Variants in UNC79 observed in about 807,000 individuals in gnomAD.
UNC79 encodes unc-79 subunit of NALCN channel complex.
In UNC79, 37 loss-of-function variants were observed where a neutral mutation model predicts 283.1. The observed-to-expected ratio is 0.13, with a 90% CI of 0.10 to 0.17. UNC79 has a LOEUF of 0.17. UNC79 is among the 10% of genes least tolerant of loss of function. The pLI is 1.00. For synonymous variants in UNC79, 1,107 were observed against 1,200.2 expected, an observed-to-expected ratio of 0.92 and a Z score of 1.61; for missense variants, 2,272 against 3,211.1, an observed-to-expected ratio of 0.71 and a Z score of 7.07.
At chr14:93,588,765 A>AAAG (rs2064416247) in intron 22 of UNC79, among the ~76,000 whole-genome samples, 3 of 150,644 alleles carry the variant, frequency 2.0e-5, no homozygotes, top group African/African-American at 7.3e-5. Flanking sequence ...AAAAAAAAAA[A>AAAG]AGAGAGAGAA....
intron 1 of UNC79, among the ~76,000 whole-genome samples, chr14:93,459,671 C>G (rs2056891371): frequency 1.5e-5 from 1 of 65,204 alleles, no homozygotes; most frequent in Non-Finnish European, 3.1e-5. Flanking sequence ...TTGGTTTATT[C>G]AACTTTTTTT....
At chr14:93,527,684 A>G (rs1391098022) in intron 8 of UNC79, among the ~76,000 whole-genome samples, 1 of 152,186 alleles carries the variant, frequency 6.6e-6, no homozygotes, top group African/African-American at 2.4e-5. Flanking sequence ...AAATTTGTGT[A>G]TTAGGCATCT....
chr14:93,347,622 G>T (rs568911638), intron 1 of UNC79, among the ~76,000 whole-genome samples: 1 of 152,232 alleles, frequency 6.6e-6, no homozygotes, highest in South Asian at 2.1e-4. Flanking sequence ...GGAAAGCCCG[G>T]GACCCTGAGG....
In UNC79 at chr14:93,474,021, T is replaced by C. The variant is rs777012009; in HGVS notation, c.144-68T>C. ...GTGTTTTATTATTTGTTTTAGAGTGTCATTTCAATGTAATGTGCTGTTCTT... is the reference window on the plus strand; with the variant it reads ...GTGTTTTATTATTTGTTTTAGAGTGCCATTTCAATGTAATGTGCTGTTCTT... On this transcript the variant is annotated intron_variant, in intron 2 of 48. Transcript: ENST00000555664. The surrounding 1 kb of genome is among the most constrained non-coding windows in gnomAD (Gnocchi z 4.1). 324 of 1,446,208 alleles carry C rather than the reference T, an allele frequency of 2.2e-4. No individual in the cohort carries two copies. Among genetic ancestry groups the C allele is most frequent in the Non-Finnish European group, 2.8e-4 (307 of 1,099,762 alleles). The allele number at this position is 1,446,208 out of a possible 1,614,324, so 89.6% of individuals were successfully genotyped here. A position where few individuals can be genotyped will look rare whatever the true frequency, so the allele number is the denominator to read the frequency against.
At chr14:93,634,112 C>A (rs1364360830) in intron 31 of UNC79, among the ~76,000 whole-genome samples, 1 of 152,070 alleles carries the variant, frequency 6.6e-6, no homozygotes, top group Admixed American at 6.6e-5. Flanking sequence ...TACACAAGGA[C>A]CTCATGGGGC....
At chr14:93,380,658 G>GT (rs2054647947) in intron 1 of UNC79, among the ~76,000 whole-genome samples, 1 of 152,190 alleles carries the variant, frequency 6.6e-6, no homozygotes, top group African/African-American at 2.4e-5. Context: ...GATGTTGGCT[G>GT]TTTTGTTCAT....
intron 1 of UNC79, among the ~76,000 whole-genome samples, chr14:93,465,578 C>T (rs560407090): frequency 1.3e-5 from 2 of 152,264 alleles, no homozygotes; most frequent in Non-Finnish European, 2.9e-5. Flanking sequence ...GCTATTGCTG[C>T]ATTTTAATGA....
At chr14:93,569,674 G>A (rs2063106693) in intron 14 of UNC79, among the ~76,000 whole-genome samples, 2 of 152,280 alleles carry the variant, frequency 1.3e-5, no homozygotes, top group African/African-American at 4.8e-5. Flanking sequence ...GGGAGGATGG[G>A]GGAATGGACA....
At chr14:93,704,466 G>C (rs1272061507) in intron 47 of UNC79, among the ~76,000 whole-genome samples, 159 bp from the exon 51 acceptor site, 1 of 152,208 alleles carries the variant, frequency 6.6e-6, no homozygotes, top group Non-Finnish European at 1.5e-5. Flanking sequence ...TTTGGCCTCA[G>C]AAAGACATTT....
chr14:93,657,700 T>C (rs1489227281), intron 38 of UNC79, among the ~76,000 whole-genome samples: 5 of 152,132 alleles, frequency 3.3e-5, no homozygotes, highest in African/African-American at 1.2e-4. Flanking sequence ...TGTCAGAAGA[T>C]TTAACTTGGG....
chr14:93,577,927 G>A (rs1444356830), exon 18 of UNC79: 2 of 1,614,194 alleles, frequency 1.2e-6, no homozygotes, highest in Admixed American at 3.3e-5. Flanking sequence ...CCGTTTCGGA[G>A]TCCTTTGCGT....
intron 30 of UNC79, among the ~76,000 whole-genome samples, chr14:93,629,417 G>A (rs1019669051): frequency 6.6e-6 from 1 of 152,202 alleles, no homozygotes; most frequent in African/African-American, 2.4e-5. Context: ...GGATACCTAA[G>A]AGAAAAATCA....
intron 26 of UNC79, among the ~76,000 whole-genome samples, chr14:93,612,237 A>AT (rs2066366060): frequency 6.6e-6 from 1 of 152,176 alleles, no homozygotes; most frequent in Non-Finnish European, 1.5e-5. Flanking sequence ...AATTTTGGCT[A>AT]TTTCATTTAA....
intron 43 of UNC79, among the ~76,000 whole-genome samples, chr14:93,687,557 T>C (rs931620431): frequency 2.6e-5 from 4 of 152,194 alleles, no homozygotes; most frequent in Non-Finnish European, 2.9e-5. Flanking sequence ...GCCAAAAATA[T>C]CATCCCTTAA....
intron 14 of UNC79, among the ~76,000 whole-genome samples, chr14:93,566,450 G>C (rs2062886027): frequency 6.6e-6 from 1 of 152,080 alleles, no homozygotes; most frequent in African/African-American, 2.4e-5. Context: ...GCTGGGCTGG[G>C]CAGAGCATGT....
chr14:93,345,997 C>T (rs2053819211), intron 1 of UNC79, among the ~76,000 whole-genome samples: 1 of 150,428 alleles, frequency 6.6e-6, no homozygotes, highest in Non-Finnish European at 1.5e-5. Flanking sequence ...AAGAAAGGAA[C>T]AATGCCTTTT....
rs534358823 is a variant in UNC79, at chr14:93,501,768, G to C, written c.898+4482G>C. 3.3e-5 allele frequency among the ~76,000 whole-genome samples: 5 copies of C among 152,078 alleles called. No individual in the cohort carries two copies. In the East Asian group the frequency reaches 9.7e-4, roughly 29 times the overall value. ...CAGAAATGACTATTGTTAACATTTTGGTTTATTTACAGGTTTTGGTGAACT... is the reference window on the plus strand; with the variant it reads ...CAGAAATGACTATTGTTAACATTTTCGTTTATTTACAGGTTTTGGTGAACT... On this transcript the variant is annotated intron_variant, in intron 7 of 48. Coordinates refer to ENST00000555664, the Ensembl canonical transcript of UNC79.
Position 93,404,493 on chromosome 14 carries a change from A to AAAAAAAAAT in UNC79, c.-350-63177_-350-63176insAAAAAAATA. 2.8e-3 allele frequency among the ~76,000 whole-genome samples: 171 copies of AAAAAAAAAT among 61,490 alleles called. 7 individuals are homozygous for AAAAAAAAAT. The highest frequency in any genetic ancestry group is 3.5e-3 in the Admixed American group (15 of 4,232). 40.3% of individuals were successfully genotyped at this position (61,490 alleles called of 152,430 possible). A position where few individuals can be genotyped will look rare whatever the true frequency, so the allele number is the denominator to read the frequency against. ...TGACAGAGTGAGACCTTCTAAAAAA[A>AAAAAAAAAT]ATATATATATATATATATATAAATA... On this transcript the variant is annotated intron_variant, in intron 1 of 49. Transcript: ENST00000256339.
intron 27 of UNC79, among the ~76,000 whole-genome samples, chr14:93,615,318 C>A (rs947115044): frequency 2.0e-5 from 3 of 152,074 alleles, no homozygotes; most frequent in Non-Finnish European, 4.4e-5. Flanking sequence ...ATGCTGATAA[C>A]TGGATGGATC....
Sources: allele counts gnomAD v4.1 joint callset (sites outside exome capture counted in the v4.1 genomes callset), GRCh38; gene constraint gnomAD v4.1.1; non-coding constraint Gnocchi (gnomAD v3.1); transcripts MANE v1.5; gene names NCBI Gene and HGNC (gene_info 2026-07-23, HGNC 2026-07-21).